FBXL5: variants seen among roughly 807,000 people sequenced by gnomAD.
FBXL5 encodes the protein F-box/LRR-repeat protein 5.
FBXL5 carries 26 observed loss-of-function variants against 78.3 expected under a neutral mutation model. The observed-to-expected ratio is 0.33, with a 90% CI of 0.24 to 0.46. The LOEUF (loss-of-function observed/expected upper bound fraction) is 0.46, where lower values mean the gene tolerates loss of function less well. Ranked by LOEUF, FBXL5 falls within the 20% of genes least tolerant of loss-of-function variation. The pLI is 1.00. For missense variants in FBXL5, 710 were observed against 829.2 expected, an observed-to-expected ratio of 0.86 and a Z score of 1.77; for synonymous variants, 295 against 282.5, an observed-to-expected ratio of 1.04 and a Z score of -0.45.
intron 6 of FBXL5, among the ~76,000 whole-genome samples, chr4:15,630,373 T>C (rs183774194): frequency 1.4e-3 from 211 of 152,272 alleles, no homozygotes; most frequent in Non-Finnish European, 2.0e-3. Flanking sequence ...AATCACATTG[T>C]AAACTACAAA....
At chr4:15,623,826 GTTTT>G (rs548846356) in intron 9 of FBXL5, among the ~76,000 whole-genome samples, 1 of 147,156 alleles carries the variant, frequency 6.8e-6, no homozygotes, top group Admixed American at 6.8e-5. Context: ...TTTTACAATA[GTTTT>G]TTTTTTTTTT....
intron 1 of FBXL5, among the ~76,000 whole-genome samples, chr4:15,645,037 C>G (rs1715223524): frequency 6.6e-6 from 1 of 152,042 alleles, no homozygotes; most frequent in Admixed American, 6.6e-5. Flanking sequence ...ATGCTAAATA[C>G]AGGCAGGCAG....
intron 10 of FBXL5, among the ~76,000 whole-genome samples, chr4:15,607,596 G>A (rs1049371287): frequency 6.6e-6 from 1 of 152,092 alleles, no homozygotes; most frequent in South Asian, 2.1e-4. Context: ...TTTTTCCTTT[G>A]AATATAATGC....
chr4:15,644,384 T>C, intron 2 of FBXL5, 109 bp downstream of exon 2: 1 of 878,142 alleles, frequency 1.1e-6, no homozygotes, highest in Non-Finnish European at 1.8e-6. Flanking sequence ...GACAAAATAA[T>C]TTTTTTCAAC....
chr4:15,611,446 G>T (rs1426572527), intron 10 of FBXL5, among the ~76,000 whole-genome samples: 3 of 152,048 alleles, frequency 2.0e-5, no homozygotes, highest in Non-Finnish European at 4.4e-5. Context: ...GTACATAGTA[G>T]TCTGAGCCAT....
chr4:15,641,068 A>G (rs1714821233), intron 2 of FBXL5, among the ~76,000 whole-genome samples, 185 bp from the exon 3 acceptor site: 1 of 152,158 alleles, frequency 6.6e-6, no homozygotes, highest in Admixed American at 6.6e-5. Context: ...TTACTTTAGT[A>G]ATGTATGTAA....
intron 1 of FBXL5, among the ~76,000 whole-genome samples, chr4:15,680,991 A>G (rs1214922445): frequency 1.3e-5 from 2 of 149,796 alleles, no homozygotes; most frequent in African/African-American, 4.9e-5. Flanking sequence ...CTCAACCACA[A>G]AAAAATTTGG....
chr4:15,671,830 C>T (rs1262178357), intron 1 of FBXL5, among the ~76,000 whole-genome samples: 1 of 152,186 alleles, frequency 6.6e-6, no homozygotes, highest in Admixed American at 6.5e-5. Flanking sequence ...AATGTCCAAT[C>T]TGCCATTAAA....
upstream of FBXL5, among the ~76,000 whole-genome samples, chr4:15,660,445 CT>C (rs1170631118): frequency 6.6e-6 from 1 of 152,110 alleles, no homozygotes. Flanking sequence ...AAGACACCTC[CT>C]AAAAAATTTA....
At chr4:15,671,414 A>C (rs2148811053) in intron 1 of FBXL5, among the ~76,000 whole-genome samples, 1 of 151,944 alleles carries the variant, frequency 6.6e-6, no homozygotes, top group Non-Finnish European at 1.5e-5. Flanking sequence ...ACTGGTATTA[A>C]ACAATTTGAT....
Position 15,605,666 on chromosome 4 carries a change from T to A in FBXL5, c.*57A>T. ...CACAAGAAATGTGCTATGAGTAAAGTGCATGAAAGAAAGCCTGCTCAGCTA... is the reference window on the plus strand; with the variant it reads ...CACAAGAAATGTGCTATGAGTAAAGAGCATGAAAGAAAGCCTGCTCAGCTA... On this transcript the variant is annotated 3_prime_UTR_variant, in exon 11 of 11. Coordinates refer to ENST00000341285, the MANE Select transcript of FBXL5 (RefSeq NM_012161.4). 1 of 1,440,876 alleles carries A rather than the reference T, an allele frequency of 6.9e-7. No homozygotes were observed. The highest frequency in any genetic ancestry group is 1.2e-5 in the South Asian group (1 of 85,838). 89.3% of individuals were successfully genotyped at this position (1,440,876 alleles called of 1,614,324 possible). A position where few individuals can be genotyped will look rare whatever the true frequency, so the allele number is the denominator to read the frequency against.
At chr4:15,662,485 A>C (rs1356434488), upstream of FBXL5, among the ~76,000 whole-genome samples, 1 of 152,196 alleles carries the variant, frequency 6.6e-6, no homozygotes, top group Non-Finnish European at 1.5e-5. Context: ...AGCATTCAAT[A>C]CTATCTTTTA....
intron 10 of FBXL5, among the ~76,000 whole-genome samples, chr4:15,606,070 A>C (rs1265217705): frequency 6.6e-6 from 1 of 152,176 alleles, no homozygotes; most frequent in African/African-American, 2.4e-5. Context: ...AAAATCCAAA[A>C]TGGAAATGAG....
intron 6 of FBXL5, among the ~76,000 whole-genome samples, chr4:15,629,905 C>G (rs1345658258): frequency 6.6e-6 from 1 of 152,080 alleles, no homozygotes; most frequent in Admixed American, 6.6e-5. Context: ...GTTTTACCAA[C>G]TAGAAGAATG....
At chr4:15,644,830 G>A in intron 1 of FBXL5, 122 bp from the exon 2 acceptor site, 2 of 655,020 alleles carry the variant, frequency 3.1e-6, no homozygotes, top group Non-Finnish European at 5.1e-6. Flanking sequence ...CTTGGTTAAA[G>A]TACAAATAAA....
intron 1 of FBXL5, among the ~76,000 whole-genome samples, chr4:15,677,082 ATAAT>A (rs1718021943): frequency 6.6e-6 from 1 of 152,228 alleles, no homozygotes; most frequent in African/African-American, 2.4e-5. Flanking sequence ...CGTTAAAACT[ATAAT>A]AAACTCTGAA....
At chr4:15,618,448 A>T (rs1251004434) in intron 9 of FBXL5, among the ~76,000 whole-genome samples, 2 of 152,246 alleles carry the variant, frequency 1.3e-5, no homozygotes, top group Non-Finnish European at 2.9e-5. Flanking sequence ...AAGAAACAGA[A>T]AATCTGAATT....
chr4:15,633,904 T>C (rs572459883), intron 5 of FBXL5, among the ~76,000 whole-genome samples: 2 of 152,240 alleles, frequency 1.3e-5, no homozygotes, highest in Admixed American at 6.5e-5. Flanking sequence ...GCCTGGCCAA[T>C]TTACTGAACT....
chr4:15,612,336 G>A lies in FBXL5; in HGVS notation c.1929C>T (p.Gly643=), dbSNP rs752135330. The change falls in exon 10 of 11, where the codon GGC becomes GGT. Residue 643 remains glycine, a synonymous_variant. Coordinates refer to ENST00000341285, the MANE Select transcript of FBXL5 (RefSeq NM_012161.4). ...LSGCLTITGA[G]LQDLVSACPS... is the part of the protein sequence containing the mutation. Reference sequence around the variant, plus strand: ...GACATGCTGAAACCAAATCCTGCAGGCCTGCACCAGTTATAGTAAGACAAC... The same window carrying A: ...GACATGCTGAAACCAAATCCTGCAGACCTGCACCAGTTATAGTAAGACAAC... 7 of 1,612,622 alleles carry A rather than the reference G, an allele frequency of 4.3e-6. No individual in the cohort carries two copies. Among genetic ancestry groups the A allele is most frequent in the Non-Finnish European group, 3.4e-6 (4 of 1,179,276 alleles).
Sources: allele counts gnomAD v4.1 joint callset (sites outside exome capture counted in the v4.1 genomes callset), GRCh38; gene constraint gnomAD v4.1.1; transcripts MANE v1.5; gene names NCBI Gene and HGNC (gene_info 2026-07-23, HGNC 2026-07-21).